DTNA: variants seen among roughly 807,000 people sequenced by gnomAD.
DTNA encodes the protein dystrophin-related protein 3.
Under a neutral mutation model 100.7 loss-of-function variants are expected in DTNA, and 43 were observed. That is an observed-to-expected ratio of 0.43 (90% CI 0.33 to 0.55). DTNA has a LOEUF of 0.55. Among genes scored for constraint, DTNA ranks in the 20% least tolerant of loss-of-function variants. The pLI is 0.04. For missense variants in DTNA, 798 were observed against 953.9 expected, an observed-to-expected ratio of 0.84 and a Z score of 2.15; for synonymous variants, 349 against 347.9, an observed-to-expected ratio of 1.00 and a Z score of -0.04.
At chr18:34,655,022 C>T (rs1159960680) in intron 1 of DTNA, among the ~76,000 whole-genome samples, 10 of 152,020 alleles carry the variant, frequency 6.6e-5, no homozygotes, top group Middle Eastern at 6.8e-3. Context: ...CCACCGTGCC[C>T]GGCCTAATTT....
intron 4 of DTNA, among the ~76,000 whole-genome samples, chr18:34,805,773 GA>G (rs1318894770): frequency 7.3e-6 from 1 of 137,040 alleles, no homozygotes. Flanking sequence ...CTCAAATTCA[GA>G]AATTCTCTGA....
intron 3 of DTNA, among the ~76,000 whole-genome samples, chr18:34,792,635 CA>C (rs566826545): frequency 2.6e-5 from 4 of 152,136 alleles, no homozygotes; most frequent in Non-Finnish European, 5.9e-5. Context: ...TTTGCAAATG[CA>C]AAAGCATAAT....
At chr18:34,630,079 A>G (rs1260597224) in intron 1 of DTNA, among the ~76,000 whole-genome samples, 1 of 152,100 alleles carries the variant, frequency 6.6e-6, no homozygotes, top group Admixed American at 6.6e-5. Flanking sequence ...TATGGTGTCC[A>G]CCTTCACTTC....
intron 13 of DTNA, among the ~76,000 whole-genome samples, chr18:34,845,745 T>C (rs1393350270): frequency 6.6e-6 from 1 of 152,256 alleles, no homozygotes; most frequent in Non-Finnish European, 1.5e-5. Flanking sequence ...TTTTTAACCA[T>C]TGCAGAATGC....
intron 1 of DTNA, among the ~76,000 whole-genome samples, chr18:34,625,692 G>A (rs539698605): frequency 1.3e-5 from 2 of 152,322 alleles, no homozygotes; most frequent in South Asian, 2.1e-4. Context: ...TGACCAGAAT[G>A]TAGAGGCTCT....
chr18:34,800,535 C>T (rs2095167574), intron 4 of DTNA, among the ~76,000 whole-genome samples: 1 of 152,182 alleles, frequency 6.6e-6, no homozygotes, highest in South Asian at 2.1e-4. Flanking sequence ...AAGCAATTCT[C>T]TCCGTTAATT....
intron 1 of DTNA, among the ~76,000 whole-genome samples, chr18:34,544,537 G>A (rs1429300525): frequency 1.3e-5 from 2 of 152,038 alleles, no homozygotes; most frequent in East Asian, 3.9e-4. Context: ...CCATATAATT[G>A]TGGACCTTCT....
At chr18:34,860,244 T>G (rs566272574) in intron 16 of DTNA, among the ~76,000 whole-genome samples, 25 of 142,004 alleles carry the variant, frequency 1.8e-4, no homozygotes, top group Non-Finnish European at 2.9e-4. Context: ...TTTTTTTTTT[T>G]TTTTTGGAGA....
intron 1 of DTNA, among the ~76,000 whole-genome samples, chr18:34,506,302 A>G (rs1164030950): frequency 1.3e-5 from 2 of 152,160 alleles, no homozygotes; most frequent in African/African-American, 4.8e-5. Flanking sequence ...GTAGAACTCC[A>G]GGATCCTCCC....
intron 8 of DTNA, among the ~76,000 whole-genome samples, chr18:34,818,910 G>C (rs2095651418): frequency 6.6e-6 from 1 of 152,170 alleles, no homozygotes; most frequent in African/African-American, 2.4e-5. Context: ...TGGCATGTGA[G>C]TGTCTGTGTG....
intron 1 of DTNA, among the ~76,000 whole-genome samples, chr18:34,695,962 C>T (rs776536016): frequency 1.3e-5 from 2 of 152,084 alleles, no homozygotes; most frequent in Non-Finnish European, 2.9e-5. Context: ...TTTTCAAAGG[C>T]TCTTGCTTTA....
intron 1 of DTNA, among the ~76,000 whole-genome samples, chr18:34,580,217 G>A (rs2048484596): frequency 6.6e-6 from 1 of 151,902 alleles, no homozygotes; most frequent in South Asian, 2.1e-4. Context: ...GTTAATGCAT[G>A]CTTCTCACTT....
chr18:34,498,045 CCAA>C (rs1568538083), intron 1 of DTNA, among the ~76,000 whole-genome samples: 3 of 152,018 alleles, frequency 2.0e-5, no homozygotes, highest in Admixed American at 2.0e-4. Context: ...CTTTGGGAGG[CCAA>C]GGTGGATGGA....
Position 34,825,252 on chromosome 18 carries a change from C to A in DTNA, c.1002-2341C>A, listed in dbSNP as rs2095832879. The A allele has an allele frequency of 1.9e-6, 3 of 1,613,276 alleles. No homozygotes were observed. The highest frequency in any genetic ancestry group is 3.3e-5 in the Admixed American group (2 of 60,016). On this transcript the variant is annotated intron_variant, in intron 9 of 22. Transcript: ENST00000444659. ...TTAACGGTCTCTATTCTGTTCAATT[C>A]TTCGCTGCCAAAAGTGATACTTGGT...
At chr18:34,807,753 G>A (rs996927508) in intron 5 of DTNA, among the ~76,000 whole-genome samples, 2 of 151,198 alleles carry the variant, frequency 1.3e-5, no homozygotes, top group African/African-American at 4.9e-5. Flanking sequence ...CTTCTCTTTT[G>A]TTAGCCTGAA....
At chr18:34,792,720 G>C (rs1224183424) in intron 3 of DTNA, among the ~76,000 whole-genome samples, 1 of 152,114 alleles carries the variant, frequency 6.6e-6, no homozygotes, top group Non-Finnish European at 1.5e-5. Flanking sequence ...AATGTAAGAT[G>C]GTTCAACTAC....
chr18:34,705,134 A>G (rs1487955283), intron 1 of DTNA, among the ~76,000 whole-genome samples: 2 of 152,120 alleles, frequency 1.3e-5, no homozygotes, highest in Non-Finnish European at 2.9e-5. Flanking sequence ...CAGCTCACTA[A>G]CTTGATGAGC....
At chr18:34,849,286 C>G (rs2096438385) in intron 14 of DTNA, among the ~76,000 whole-genome samples, 1 of 152,172 alleles carries the variant, frequency 6.6e-6, no homozygotes, top group Admixed American at 6.5e-5. Context: ...GATTTTAGGA[C>G]AAGCAACCAC....
chr18:34,718,612 A>C (rs1424054780), intron 1 of DTNA, among the ~76,000 whole-genome samples: 1 of 152,162 alleles, frequency 6.6e-6, no homozygotes, highest in African/African-American at 2.4e-5. Flanking sequence ...ATTTCTTCCA[A>C]AGCCTTATGA....
Sources: allele counts gnomAD v4.1 joint callset (sites outside exome capture counted in the v4.1 genomes callset), GRCh38; gene constraint gnomAD v4.1.1; transcripts MANE v1.5; gene names NCBI Gene and HGNC (gene_info 2026-07-23, HGNC 2026-07-21).